The following FAM3A variants were observed in gnomAD, a reference collection of about 807,000 sequenced individuals.
The protein encoded by FAM3A is FAM3 metabolism regulating signaling molecule A.
Under a neutral mutation model 18.1 loss-of-function variants are expected in FAM3A, and 5 were observed. That is an observed-to-expected ratio of 0.28 (90% CI 0.14 to 0.58). The LOEUF (loss-of-function observed/expected upper bound fraction) is 0.58, where lower values mean the gene tolerates loss of function less well. FAM3A is among the 20% of genes least tolerant of loss of function. FAM3A has a pLI of 0.91. For missense variants in FAM3A, 154 were observed against 216.6 expected, an observed-to-expected ratio of 0.71 and a Z score of 1.81; for synonymous variants, 108 against 90.2, an observed-to-expected ratio of 1.20 and a Z score of -1.12.
chrX:154,508,967 T>G (rs1557221174), intron 3 of FAM3A: 1 of 249,880 alleles, frequency 4.0e-6, no homozygotes, highest in East Asian at 1.0e-4. Flanking sequence ...TGGCAGGGGG[T>G]GCAGCCTGTC....
At chrX:154,509,678 AGAAAGGT>A (rs1557221624) in intron 3 of FAM3A, 1 of 111,674 alleles carries the variant, frequency 9.0e-6, no homozygotes, top group East Asian at 2.8e-4. Flanking sequence ...ATCCCGTGGC[AGAAAGGT>A]GGAAGGTGGA....
At position 154,508,259 on chromosome X, in the gene FAM3A, C is replaced by T. The variant is rs1205837664; in HGVS notation, c.334+30G>A. 3.7e-6 allele frequency: 4 copies of T among 1,069,150 alleles called. No individual in the cohort carries two copies. In the African/African-American group the frequency reaches 5.8e-5, roughly 15 times the overall value. 88.1% of individuals were successfully genotyped at this position (1,069,150 alleles called of 1,213,427 possible). ...CTGGGGAGGGAGCAGGGAAGGAGGGCGGCAGGCCACGCTCAGCCAGGGGCC... is the reference window on the plus strand; with the variant it reads ...CTGGGGAGGGAGCAGGGAAGGAGGGTGGCAGGCCACGCTCAGCCAGGGGCC... On this transcript the variant is annotated intron_variant, in intron 5 of 8. Coordinates refer to ENST00000447601, the MANE Select transcript of FAM3A (RefSeq NM_021806.4).
chrX:154,512,545 C>T (rs1305931372), intron 2 of FAM3A: 1 of 346,819 alleles, frequency 2.9e-6, no homozygotes, highest in African/African-American at 2.6e-5. Context: ...CATCACTCCC[C>T]ATGTTCAGTG....
rs952182982 is a variant in FAM3A at position 154,507,970 on chromosome X, T to C, written c.335-109A>G. ...AGCCCTTCTGGAAGCTTTCAAACAG[T>C]CCCCCAATATTCATCCATTTGTTCA... is the stretch of plus-strand genomic sequence containing the variant. On this transcript the variant is annotated intron_variant, in intron 5 of 8. Transcript: ENST00000447601. 5 of 648,688 alleles carry C rather than the reference T, an allele frequency of 7.7e-6. No homozygotes were observed. The Admixed American group carries it at 1.1e-4, about 14-fold the overall frequency. The allele number at this position is 648,688 out of a possible 1,213,427, so 53.5% of individuals were successfully genotyped here. A position where few individuals can be genotyped will look rare whatever the true frequency, so the allele number is the denominator to read the frequency against.
rs782122362 is a variant in FAM3A at position 154,508,360 on chromosome X, G to A, written c.276-13C>T. 6 of 391,251 alleles carry A rather than the reference G, an allele frequency of 1.5e-5. No individual in the cohort carries two copies. Among genetic ancestry groups the A allele is most frequent in the Non-Finnish European group, 2.2e-5 (5 of 226,671 alleles). The allele number at this position is 391,251 out of a possible 1,213,427, so 32.2% of individuals were successfully genotyped here. ...GCTGCTCATCAGCCTAGTTGGGGGG[G>A]GGTGGGGGGGACGGGGAGATCCCAC... On this transcript the variant is annotated splice_polypyrimidine_tract_variant and intron_variant, in intron 4 of 8. Coordinates refer to ENST00000447601, the MANE Select transcript of FAM3A (RefSeq NM_021806.4).
At position 154,507,492 on chromosome X, in the gene FAM3A, TG is replaced by T; in HGVS notation, c.386-3del. On this transcript the variant is annotated splice_region_variant and splice_polypyrimidine_tract_variant and intron_variant, in intron 6 of 8. Coordinates refer to ENST00000447601, the MANE Select transcript of FAM3A (RefSeq NM_021806.4). ...TAAACTTCAACAGGTCGTTGACATC[TG>T]GGGGGGCAGGTGCCACGGAACAGGG... The T allele has an allele frequency of 4.1e-6, 5 of 1,208,143 alleles. No individual in the cohort carries two copies. The highest frequency in any genetic ancestry group is 4.5e-6 in the Non-Finnish European group (4 of 894,095).
chrX:154,512,655 G>A (rs1376700026), intron 2 of FAM3A, among the ~76,000 whole-genome samples, 168 bp downstream of exon 2: 1 of 111,542 alleles, frequency 9.0e-6, no homozygotes, highest in Non-Finnish European at 1.9e-5. Flanking sequence ...CTGGGTGTTG[G>A]GGGAGGCTGC....
intron 7 of FAM3A, 21 bp from the exon 8 acceptor site, chrX:154,507,350 G>C (rs782530648): frequency 8.3e-7 from 1 of 1,211,847 alleles, no homozygotes; most frequent in East Asian, 3.0e-5. Flanking sequence ...GGAGGAAGGG[G>C]TGTCAGCTGT....
rs1557220053 is a variant in FAM3A, at chrX:154,507,888, G to A, written c.335-27C>T. 4 of 1,175,133 alleles carry A rather than the reference G, an allele frequency of 3.4e-6. No individual in the cohort carries two copies. In the Admixed American group the frequency reaches 9.5e-5, roughly 28 times the overall value. On this transcript the variant is annotated intron_variant, in intron 5 of 8. Transcript: ENST00000447601. ...TGTGTCAGGAGGGAGGGGCCCTGCT[G>A]GGTAAGCCAGGCCAGCCTCAGGGCA...
Position 154,507,281 on chromosome X carries a change from G to A in FAM3A, c.519C>T (p.Asn173=), listed in dbSNP as rs372522626. Residue 173 remains asparagine (N), a synonymous_variant, in exon 8 of 9, where the codon AAC becomes AAT. Coordinates refer to ENST00000447601, the MANE Select transcript of FAM3A (RefSeq NM_021806.4). ...TGTCCCGGAAGGCCAGCTCCTTGGC[G>A]TTCCTGCTGCCCAGCTCACTGAAGA... The part of the protein sequence containing the change: ...RKLFSELGSR[N]AKELAFRDSW... 56 of 1,209,852 alleles carry A rather than the reference G, an allele frequency of 4.6e-5. No homozygotes were observed. The highest frequency in any genetic ancestry group is 3.5e-4 in the South Asian group (20 of 56,784).
chrX:154,507,152 GA>G (rs1569555601), intron 8 of FAM3A, 50 bp downstream of exon 8: 1 of 1,165,207 alleles, frequency 8.6e-7, no homozygotes, highest in Admixed American at 2.5e-5. Context: ...CATGCAGGCA[GA>G]AGGGGCGACA....
intron 3 of FAM3A, chrX:154,510,898 G>C (rs2069836486): frequency 9.2e-6 from 1 of 109,148 alleles, no homozygotes; most frequent in African/African-American, 3.3e-5. Flanking sequence ...CTGCACTCCA[G>C]CCTGGGTGAC....
chrX:154,506,904 G>C lies in FAM3A; in HGVS notation c.600C>G (p.His200Gln). The change falls in exon 9 of 9, where the codon CAC becomes CAG. Residue 200 changes from histidine to glutamine, a missense_variant and splice_region_variant. Transcript: ENST00000447601. The part of the protein sequence containing the change: ...GVQNKSPFEQ[H>Q]VKNSKHSNKY... ...TGTTGCTGTGCTTACTGTTCTTCAC[G>C]TGCTGTGGGGAGGGGAGCAGAAAGT... 8.3e-7 allele frequency: 1 copy of C among 1,205,991 alleles called. No individual in the cohort carries two copies. Among genetic ancestry groups the C allele is most frequent in the Non-Finnish European group, 1.1e-6 (1 of 890,645 alleles).
chrX:154,510,039 C>T (rs1208489806), intron 3 of FAM3A: 1 of 112,418 alleles, frequency 8.9e-6, no homozygotes, highest in Non-Finnish European at 1.9e-5. Context: ...CAAATATCAT[C>T]AAGAACAGAA....
Position 154,512,858 on chromosome X carries a change from C to T in FAM3A, c.92G>A (p.Gly31Asp), listed in dbSNP as rs782046134. ...TTGCTGGATGCGAGGAAAGCCACTG[C>T]CAGGCCCACCCAGGAGGATGCTGAC... ...IVVSILLGGP[G>D]SGFPRIQQLF... Residue 31 changes from glycine (G) to aspartate (D), a missense_variant, in exon 2 of 9, where the codon GGC becomes GAC. This residue lies in a region of FAM3A where 112 missense variants were observed against 160.0 expected (regional missense o/e 0.70). Transcript: ENST00000447601. 1 of 1,210,399 alleles carries T rather than the reference C, an allele frequency of 8.3e-7. No individual in the cohort carries two copies. The highest frequency in any genetic ancestry group is 1.7e-5 in the African/African-American group (1 of 57,780).
At chrX:154,507,533 C>T in intron 6 of FAM3A, 43 bp from the exon 7 acceptor site, 2 of 1,131,256 alleles carry the variant, frequency 1.8e-6, no homozygotes, top group Non-Finnish European at 2.4e-6. Context: ...TCAGGCACCA[C>T]TGAGCACCCT....
At position 154,507,836 on chromosome X, in the gene FAM3A, G is replaced by T; in HGVS notation, c.360C>A (p.Ala120=). The T allele has an allele frequency of 8.4e-7, 1 of 1,194,790 alleles. No individual in the cohort carries two copies. Among genetic ancestry groups the T allele is most frequent in the Non-Finnish European group, 1.1e-6 (1 of 887,369 alleles). The change falls in exon 6 of 9, where the codon GCC becomes GCA. Residue 120 remains alanine (A), a synonymous_variant. Coordinates refer to ENST00000447601, the MANE Select transcript of FAM3A (RefSeq NM_021806.4). ...VNGVSGELIE[A]RAFDMWAGDV... ...CTCCGGCCCACATGTCAAAGGCCCGGGCCTCGATGAGCTCGCCGCTGACCC... is the reference window on the plus strand; with the variant it reads ...CTCCGGCCCACATGTCAAAGGCCCGTGCCTCGATGAGCTCGCCGCTGACCC...
chrX:154,509,301 G>A (rs1557221373), intron 3 of FAM3A: 1 of 119,728 alleles, frequency 8.4e-6, no homozygotes, highest in African/African-American at 3.2e-5. Context: ...GGGGAGGTCA[G>A]GAAGGACCCT....
chrX:154,506,784 C>T lies in FAM3A; in HGVS notation c.*27G>A, dbSNP rs1241908260. On this transcript the variant is annotated 3_prime_UTR_variant, in exon 9 of 9. Coordinates refer to ENST00000447601, the MANE Select transcript of FAM3A (RefSeq NM_021806.4). ...GCGTGCCTCCCTTGGTCTGGCCTCC[C>T]TCGGCCCGGTCCTGGCACTGGCCGT... The T allele has an allele frequency of 6.7e-6, 8 of 1,189,262 alleles. No homozygotes were observed. Among genetic ancestry groups the T allele is most frequent in the Middle Eastern group, 2.4e-4 (1 of 4,208 alleles).
Sources: gnomAD v4.1 joint callset for allele counts (sites outside exome capture counted in the v4.1 genomes callset) on GRCh38, gnomAD v4.1.1 for gene constraint, gnomAD v4.1.1 regional missense constraint, MANE v1.5 for transcripts, NCBI Gene and HGNC (gene_info 2026-07-23, HGNC 2026-07-21) for gene names.